Variants in THSD7B observed in about 807,000 individuals in gnomAD.
THSD7B encodes thrombospondin type-1 domain-containing protein 7B.
THSD7B carries 138 observed loss-of-function variants against 213.6 expected under a neutral mutation model. The observed-to-expected ratio is 0.65, with a 90% confidence interval of 0.56 to 0.74. The LOEUF is 0.74. Among genes scored for constraint, THSD7B ranks in the 30% least tolerant of loss-of-function variants. THSD7B has a pLI of 0.00. For synonymous variants in THSD7B, 742 were observed against 687.0 expected (o/e 1.08, Z -1.25); for missense variants, 1,931 against 1,991.5 (o/e 0.97, Z 0.58).
chr2:137,117,825 G>T lies in THSD7B; in HGVS notation c.1369+2532G>T, dbSNP rs370965051. On this transcript the variant is annotated intron_variant, in intron 5 of 27. Coordinates refer to ENST00000409968, the MANE Select transcript of THSD7B (RefSeq NM_001316349.2). The stretch of plus-strand genomic sequence containing the variant: ...CATAATAATAATAATTTTAAAAAAT[G>T]CTAATTCCCTCCCAAAGGTCTCCAG... Among the ~76,000 whole-genome samples the T allele has an allele frequency of 3.3e-5, 5 of 152,240 alleles. No homozygotes were observed. The East Asian group carries it at 9.6e-4, about 29-fold the overall frequency.
chr2:137,485,497 C>T (rs548830415), intron 15 of THSD7B, among the ~76,000 whole-genome samples: 16 of 152,196 alleles, frequency 1.1e-4, no homozygotes, highest in South Asian at 2.1e-4. Flanking sequence ...ATTGACTTGG[C>T]GATGCGGGCC....
Position 137,405,697 on chromosome 2 carries a change from A to G in THSD7B, c.2585A>G (p.Gln862Arg), listed in dbSNP as rs1686500660. ...KQTNGMPLLV[Q>R]ECTVPCREDC... ...ACAAACGGCATGCCTCTCCTTGTGCAAGAATGCACAGTCCCATGTCGAGAA... is the reference window on the plus strand; with the variant it reads ...ACAAACGGCATGCCTCTCCTTGTGCGAGAATGCACAGTCCCATGTCGAGAA... The change falls in exon 13 of 28, where the codon CAA (glutamine) becomes CGA (arginine). Residue 862 changes from glutamine to arginine, a missense_variant. Gln to Arg is a conservative substitution (Grantham distance 43). Coordinates refer to ENST00000409968, the MANE Select transcript of THSD7B (RefSeq NM_001316349.2). 1.2e-6 allele frequency: 2 copies of G among 1,613,628 alleles called. No individual in the cohort carries two copies. Among genetic ancestry groups the G allele is most frequent in the African/African-American group, 2.7e-5 (2 of 74,898 alleles).
chr2:137,511,339 A>G (rs1040920480), intron 15 of THSD7B, among the ~76,000 whole-genome samples: 1 of 152,218 alleles, frequency 6.6e-6, no homozygotes, highest in Non-Finnish European at 1.5e-5. Flanking sequence ...GTGCATGGAT[A>G]ACTTTTCTGT....
In THSD7B at chr2:137,075,347, C is replaced by T. The variant is rs564068166; in HGVS notation, c.950+18117C>T. Reference sequence around the variant, plus strand: ...TCATTTCATTCATTTTGTCTTCCATCGCTGGTACTCTTTCTTCCAGTTGAT... The same window carrying T: ...TCATTTCATTCATTTTGTCTTCCATTGCTGGTACTCTTTCTTCCAGTTGAT... On this transcript the variant is annotated intron_variant, in intron 3 of 27. Coordinates refer to ENST00000409968, the MANE Select transcript of THSD7B (RefSeq NM_001316349.2). 4.1e-4 allele frequency among the ~76,000 whole-genome samples: 63 copies of T among 152,310 alleles called. 2 individuals carry two copies. Among genetic ancestry groups the T allele is most frequent in the African/African-American group, 7.2e-5 (3 of 41,574 alleles).
At chr2:136,794,877 A>C (rs1682033848) in intron 1 of THSD7B, among the ~76,000 whole-genome samples, 1 of 152,066 alleles carries the variant, frequency 6.6e-6, no homozygotes, top group Non-Finnish European at 1.5e-5. Flanking sequence ...CATGTCTTTC[A>C]GTTAAATTGA....
intron 2 of THSD7B, among the ~76,000 whole-genome samples, chr2:136,904,039 A>G (rs1391021545): frequency 8.2e-6 from 1 of 121,984 alleles, no homozygotes; most frequent in Admixed American, 7.7e-5. Flanking sequence ...GACAAAACCC[A>G]TAGTCCCAGC....
chr2:137,259,910 TGTGTGTGTGCGTGTGGGTGTGTGC>T (rs1558976414), intron 10 of THSD7B, among the ~76,000 whole-genome samples: 1 of 151,984 alleles, frequency 6.6e-6, no homozygotes, highest in East Asian at 1.9e-4. Context: ...TTTCTTTATT[TGTGTGTGTGCGTGTGGGTGTGTGC>T]GTGTGTGTGT....
At chr2:137,607,042 G>T (rs948526265) in intron 17 of THSD7B, among the ~76,000 whole-genome samples, 5 of 152,154 alleles carry the variant, frequency 3.3e-5, no homozygotes, top group African/African-American at 1.2e-4. Flanking sequence ...GGAAGGAGAA[G>T]TGCTAGATAC....
chr2:137,657,669 G>T (rs1054431196), intron 24 of THSD7B, among the ~76,000 whole-genome samples: 1 of 152,170 alleles, frequency 6.6e-6, no homozygotes, highest in African/African-American at 2.4e-5. Context: ...CTTAGTTTTT[G>T]AATATTTTGT....
chr2:136,832,451 T>C (rs1682773128), intron 1 of THSD7B, among the ~76,000 whole-genome samples: 1 of 152,124 alleles, frequency 6.6e-6, no homozygotes, highest in Admixed American at 6.5e-5. Flanking sequence ...TTCTGCCTTT[T>C]CTTCTATTCA....
intron 3 of THSD7B, among the ~76,000 whole-genome samples, chr2:137,079,951 T>A (rs1044145035): frequency 2.0e-5 from 3 of 152,062 alleles, no homozygotes; most frequent in African/African-American, 7.2e-5. Context: ...GCGATTCTCT[T>A]ACCTCAGCCT....
intron 7 of THSD7B, among the ~76,000 whole-genome samples, chr2:137,180,086 G>T (rs1358172477): frequency 6.6e-6 from 1 of 152,162 alleles, no homozygotes; most frequent in East Asian, 1.9e-4. Flanking sequence ...CAAGATATGA[G>T]AAGAGGGACT....
At chr2:137,395,694 G>A (rs568796727) in intron 12 of THSD7B, among the ~76,000 whole-genome samples, 1 of 152,242 alleles carries the variant, frequency 6.6e-6, no homozygotes, top group South Asian at 2.1e-4. Context: ...AGTTAGGGAG[G>A]ATTCCCTCTT....
intron 26 of THSD7B, 35 bp from the exon 27 acceptor site, chr2:137,667,739 T>TGCTAAGCTTCTTATGTTATCTCTATTTTA: frequency 6.5e-7 from 1 of 1,547,218 alleles, no homozygotes; most frequent in Admixed American, 1.9e-5. Flanking sequence ...GACTTCTGTA[T>TGCTAAGCTTCTTATGTTATCTCTATTTTA]GCTAAGCTTC....
chr2:137,172,747 C>T (rs1406458450), intron 7 of THSD7B, among the ~76,000 whole-genome samples: 1 of 152,140 alleles, frequency 6.6e-6, no homozygotes, highest in African/African-American at 2.4e-5. Flanking sequence ...CAGTCTGGGA[C>T]TTGAGACGGG....
chr2:137,429,223 T>C (rs955901505), intron 14 of THSD7B, among the ~76,000 whole-genome samples: 6 of 152,160 alleles, frequency 3.9e-5, no homozygotes, highest in Non-Finnish European at 7.4e-5. Context: ...ATTAAAGTAT[T>C]GTCAAATTGT....
chr2:137,100,108 C>CT (rs1688121391), intron 4 of THSD7B, among the ~76,000 whole-genome samples: 1 of 3,356 alleles, frequency 3.0e-4, no homozygotes. Flanking sequence ...TTCTAGACAT[C>CT]CTTTTTTCTT....
intron 11 of THSD7B, among the ~76,000 whole-genome samples, chr2:137,275,116 A>T (rs2104810126): frequency 6.6e-6 from 1 of 152,256 alleles, no homozygotes. Flanking sequence ...GACACAAGTC[A>T]TCATCTGCCC....
chr2:137,345,476 A>G (rs1225678578), intron 12 of THSD7B, among the ~76,000 whole-genome samples: 4 of 151,766 alleles, frequency 2.6e-5, no homozygotes, highest in East Asian at 1.9e-4. Flanking sequence ...AGACATAGAC[A>G]TAGACGTCTC....
Sources: allele counts gnomAD v4.1 joint callset (sites outside exome capture counted in the v4.1 genomes callset), GRCh38; gene constraint gnomAD v4.1.1; transcripts MANE v1.5; gene names NCBI Gene and HGNC (gene_info 2026-07-23, HGNC 2026-07-21).